The following CDC42 variants were observed in gnomAD, a reference collection of about 807,000 sequenced individuals.
CDC42 encodes cell division cycle 42, also known as cell division control protein 42 homolog.
A neutral mutation model predicts 20.8 loss-of-function variants in CDC42; 1 was observed. The ratio of observed to expected loss-of-function variants is 0.05; its 90% confidence interval spans 0.02 to 0.23. The LOEUF (loss-of-function observed/expected upper bound fraction) is 0.23, where lower values mean the gene tolerates loss of function less well. CDC42 is among the 10% of genes least tolerant of loss of function. CDC42 has a pLI of 1.00. For missense variants in CDC42, 49 were observed against 227.9 expected (o/e 0.21, Z 5.05); for synonymous variants, 72 against 84.8 (o/e 0.85, Z 0.83).
At chr1:22,057,445 C>T (rs1388725913) in intron 1 of CDC42, among the ~76,000 whole-genome samples, 3 of 152,172 alleles carry the variant, frequency 2.0e-5, no homozygotes, top group Non-Finnish European at 4.4e-5. Context: ...AGTGCAATGG[C>T]GCGATCTCGG....
At chr1:22,071,369 T>C (rs758365426) in intron 1 of CDC42, among the ~76,000 whole-genome samples, 4 of 152,136 alleles carry the variant, frequency 2.6e-5, no homozygotes, top group Admixed American at 2.6e-4. Context: ...AACAAACATA[T>C]AAGGCCAGCT....
Position 22,095,830 on chromosome 1 carries a change from C to T in CDC42, c.*4313C>T, listed in dbSNP as rs543355992. ...CAGTGGCTGCTTGAGTGTGGACTTG[C>T]TTATGGTGGGCCAAAGAGGGGCAAG... On this transcript the variant is annotated 3_prime_UTR_variant, in exon 6 of 6. Coordinates refer to ENST00000656825, the MANE Select transcript of CDC42 (RefSeq NM_001791.4). 1.3e-5 allele frequency among the ~76,000 whole-genome samples: 2 copies of T among 152,262 alleles called. No homozygotes were observed. Among genetic ancestry groups the T allele is most frequent in the East Asian group, 3.9e-4 (2 of 5,186 alleles).
intron 1 of CDC42, among the ~76,000 whole-genome samples, chr1:22,054,296 G>T (rs1190872663): frequency 6.6e-6 from 1 of 151,980 alleles, no homozygotes; most frequent in Non-Finnish European, 1.5e-5. Context: ...GCCCACCGCA[G>T]CCTCCGCCTC....
At chr1:22,088,440 AAGGTCTTAGC>A (rs1467655050) in intron 5 of CDC42, among the ~76,000 whole-genome samples, 5 of 152,324 alleles carry the variant, frequency 3.3e-5, no homozygotes, top group African/African-American at 1.2e-4. Context: ...TGAAGTTTAA[AAGGTCTTAGC>A]AGGTACATTT....
intron 5 of CDC42, 42 bp from the exon 6 acceptor site, chr1:22,091,386 T>C: frequency 7.7e-7 from 1 of 1,293,532 alleles, no homozygotes; most frequent in Non-Finnish European, 1.1e-6. Context: ...TTTATTATAC[T>C]GAAAATCAGA....
chr1:22,076,559 C>T (rs1645552740), intron 1 of CDC42, among the ~76,000 whole-genome samples: 1 of 152,152 alleles, frequency 6.6e-6, no homozygotes, highest in African/African-American at 2.4e-5. Context: ...CTCTTCTTAT[C>T]TGTAAAATAG....
intron 1 of CDC42, among the ~76,000 whole-genome samples, chr1:22,064,546 C>T (rs1327240401): frequency 6.6e-6 from 1 of 152,176 alleles, no homozygotes; most frequent in African/African-American, 2.4e-5. Flanking sequence ...CTGCCTCGGC[C>T]TCCCAAAGTG....
At chr1:22,086,003 A>T (rs1645658279) in intron 3 of CDC42, among the ~76,000 whole-genome samples, 1 of 152,022 alleles carries the variant, frequency 6.6e-6, no homozygotes, top group Non-Finnish European at 1.5e-5. Context: ...GCACCACCAC[A>T]CCCGGCTAAT....
At position 22,098,589 on chromosome 1, in the gene CDC42, G is replaced by A. The variant is rs1317516528; in HGVS notation, c.*7072G>A. 6.6e-6 allele frequency among the ~76,000 whole-genome samples: 1 copy of A among 152,160 alleles called. No individual in the cohort carries two copies. Among genetic ancestry groups the A allele is most frequent in the Admixed American group, 6.5e-5 (1 of 15,278 alleles). The stretch of plus-strand genomic sequence containing the variant: ...GCCATATTGTTTTGAAATAGGATCT[G>A]AGCACCATTTAAATTTTTATAAATT... On this transcript the variant is annotated 3_prime_UTR_variant, in exon 6 of 6. Transcript: ENST00000656825.
chr1:22,086,326 C>T, intron 3 of CDC42, 113 bp from the exon 4 acceptor site: 1 of 659,618 alleles, frequency 1.5e-6, no homozygotes, highest in South Asian at 2.1e-5. Context: ...CAAAGCCATA[C>T]ATTTTATTAG....
intron 1 of CDC42, among the ~76,000 whole-genome samples, chr1:22,057,872 C>T (rs377224155): frequency 1.3e-5 from 2 of 151,624 alleles, no homozygotes; most frequent in Non-Finnish European, 2.9e-5. Flanking sequence ...TACAGGTGTC[C>T]GCCACCACAC....
intron 1 of CDC42, among the ~76,000 whole-genome samples, chr1:22,055,974 A>G (rs1342185981): frequency 6.7e-6 from 1 of 148,560 alleles, no homozygotes; most frequent in Non-Finnish European, 1.5e-5. Flanking sequence ...CATATCTTCC[A>G]TGAAAATATC....
At chr1:22,080,826 A>C (rs1401535588) in intron 2 of CDC42, among the ~76,000 whole-genome samples, 1 of 152,216 alleles carries the variant, frequency 6.6e-6, no homozygotes, top group Non-Finnish European at 1.5e-5. Flanking sequence ...TTGTTAAAGA[A>C]GATGTCTTAG....
At chr1:22,085,178 G>A (rs1645648648) in intron 3 of CDC42, among the ~76,000 whole-genome samples, 1 of 147,668 alleles carries the variant, frequency 6.8e-6, no homozygotes, top group East Asian at 2.0e-4. Flanking sequence ...GTTGCAGTGA[G>A]CCGAGATTGT....
chr1:22,091,315 T>C, intron 5 of CDC42, 113 bp from the exon 6 acceptor site: 1 of 669,768 alleles, frequency 1.5e-6, no homozygotes, highest in Non-Finnish European at 2.6e-6. Flanking sequence ...CAGGGTTGTT[T>C]TTAATGTTTC....
rs188810873 is a variant in CDC42, at chr1:22,096,847, C to G, written c.*5330C>G. ...TGGTTGCTACCTGCTAGAACTGTTA[C>G]AGTAAATACACAGATCTATTTTGTG... On this transcript the variant is annotated 3_prime_UTR_variant, in exon 6 of 6. Coordinates refer to ENST00000656825, the MANE Select transcript of CDC42 (RefSeq NM_001791.4). Among the ~76,000 whole-genome samples, 45 of 152,372 alleles carry G rather than the reference C, an allele frequency of 3.0e-4. No homozygotes were observed. In the East Asian group the frequency reaches 4.6e-3, roughly 16 times the overall value.
rs1248124249 is a variant in CDC42, at chr1:22,096,646, C to T, written c.*5129C>T. On this transcript the variant is annotated 3_prime_UTR_variant, in exon 6 of 6. Transcript: ENST00000656825. ...GCCTACAGGGTGCTTCATCCACTCA[C>T]TGTATTCTGTGTGCCTGTGCCGCGG... Among the ~76,000 whole-genome samples, 1 of 152,228 alleles carries T rather than the reference C, an allele frequency of 6.6e-6. No individual in the cohort carries two copies. Among genetic ancestry groups the T allele is most frequent in the Non-Finnish European group, 1.5e-5 (1 of 68,050 alleles).
chr1:22,064,921 C>T (rs1345357349), intron 1 of CDC42, among the ~76,000 whole-genome samples: 1 of 152,138 alleles, frequency 6.6e-6, no homozygotes, highest in African/African-American at 2.4e-5. Context: ...GTGATCCACC[C>T]ACCTCGGCAT....
chr1:22,053,297 C>T (rs1052782227), intron 1 of CDC42: 14 of 151,386 alleles, frequency 9.2e-5, no homozygotes, highest in Admixed American at 6.6e-4. Flanking sequence ...GCGTTGCGGC[C>T]GCGGCGGGGC....
Sources: allele counts gnomAD v4.1 joint callset (sites outside exome capture counted in the v4.1 genomes callset), GRCh38; gene constraint gnomAD v4.1.1; transcripts MANE v1.5; gene names NCBI Gene and HGNC (gene_info 2026-07-23, HGNC 2026-07-21).